SLC10A7: variants seen among roughly 807,000 people sequenced by gnomAD.
SLC10A7 encodes solute carrier family 10 member 7.
Under a neutral mutation model 43.2 loss-of-function variants are expected in SLC10A7, and 29 were observed. The observed-to-expected ratio is 0.67, with a 90% CI of 0.50 to 0.92. SLC10A7 has a LOEUF of 0.92. SLC10A7 is among the 40% of genes least tolerant of loss of function. The pLI, the probability that SLC10A7 is intolerant of heterozygous loss-of-function variation, is 0.00. For synonymous variants in SLC10A7, 152 were observed against 144.8 expected (o/e 1.05, Z -0.35); for missense variants, 295 against 403.2 (o/e 0.73, Z 2.30).
At chr4:146,467,095 T>C (rs1733097269) in intron 4 of SLC10A7, among the ~76,000 whole-genome samples, 2 of 152,166 alleles carry the variant, frequency 1.3e-5, no homozygotes, top group Non-Finnish European at 2.9e-5. Flanking sequence ...CGGAATTACT[T>C]GGCATCTTCT....
intron 3 of SLC10A7, 52 bp downstream of exon 3, chr4:146,509,861 C>T (rs373986280): frequency 7.3e-5 from 113 of 1,546,434 alleles, no homozygotes; most frequent in Non-Finnish European, 9.1e-5. Context: ...ACAATAATGT[C>T]TCTAGAGATG....
At chr4:146,333,997 A>G (rs1733712748) in intron 5 of SLC10A7, among the ~76,000 whole-genome samples, 1 of 152,132 alleles carries the variant, frequency 6.6e-6, no homozygotes, top group Non-Finnish European at 1.5e-5. Context: ...AAACTAGACT[A>G]GTAGACTGTT....
intron 5 of SLC10A7, among the ~76,000 whole-genome samples, chr4:146,380,961 G>A (rs1737575099): frequency 2.0e-5 from 3 of 152,128 alleles, no homozygotes; most frequent in Admixed American, 2.0e-4. Context: ...TCTAGGGAGT[G>A]AAGAAATGCC....
chr4:146,296,782 T>G (rs937852378), intron 7 of SLC10A7, among the ~76,000 whole-genome samples: 1 of 152,184 alleles, frequency 6.6e-6, no homozygotes. Flanking sequence ...AGAAAGGCGT[T>G]AAAATGTTTC....
chr4:146,393,196 A>T (rs931190868), intron 5 of SLC10A7, among the ~76,000 whole-genome samples: 3 of 149,038 alleles, frequency 2.0e-5, no homozygotes, highest in African/African-American at 7.4e-5. Flanking sequence ...TGTCTCAAAA[A>T]AAAAAAAAAA....
chr4:146,454,937 T>C (rs1319706026), intron 4 of SLC10A7, among the ~76,000 whole-genome samples: 1 of 151,900 alleles, frequency 6.6e-6, no homozygotes, highest in Non-Finnish European at 1.5e-5. Context: ...AGATTTTTAT[T>C]GTAAATCTCT....
chr4:146,455,255 T>C (rs536842592), intron 4 of SLC10A7, among the ~76,000 whole-genome samples: 1 of 151,886 alleles, frequency 6.6e-6, no homozygotes, highest in South Asian at 2.1e-4. Context: ...AGCACAGAAA[T>C]TAACTTTAAA....
chr4:146,316,727 G>A (rs543077504), intron 6 of SLC10A7, among the ~76,000 whole-genome samples: 2 of 152,100 alleles, frequency 1.3e-5, no homozygotes, highest in African/African-American at 4.8e-5. Flanking sequence ...TTACACACAA[G>A]ATTATAAAAT....
At chr4:146,429,572 T>C (rs1729621359) in intron 5 of SLC10A7, among the ~76,000 whole-genome samples, 1 of 151,548 alleles carries the variant, frequency 6.6e-6, no homozygotes, top group Middle Eastern at 3.4e-3. Flanking sequence ...TTGGAAGACA[T>C]TATTTTATAG....
intron 5 of SLC10A7, among the ~76,000 whole-genome samples, chr4:146,345,247 G>A (rs375998591): frequency 5.9e-5 from 9 of 152,084 alleles, no homozygotes; most frequent in African/African-American, 1.7e-4. Flanking sequence ...GCAAATGCTC[G>A]TTTCTAAATT....
chr4:146,476,114 TA>T (rs1560945861), intron 4 of SLC10A7, among the ~76,000 whole-genome samples: 3 of 151,906 alleles, frequency 2.0e-5, no homozygotes, highest in African/African-American at 7.3e-5. Context: ...GAAAACTAAA[TA>T]AAACATGAGA....
At chr4:146,457,863 T>C (rs4835310) in intron 4 of SLC10A7, among the ~76,000 whole-genome samples, 122,875 of 151,784 alleles carry the variant, frequency 0.81, 50,298 homozygotes, top group South Asian at 0.91. Context: ...AAAATGCAAT[T>C]TCTAGGACCA....
chr4:146,521,899 T>G lies in SLC10A7; in HGVS notation c.-182A>C. 2 of 579,376 alleles carry G rather than the reference T, an allele frequency of 3.5e-6. No homozygotes were observed. The highest frequency in any genetic ancestry group is 6.1e-6 in the Non-Finnish European group (2 of 326,230). 35.9% of individuals were successfully genotyped at this position (579,376 alleles called of 1,614,324 possible). On this transcript the variant is annotated 5_prime_UTR_variant, in exon 1 of 12. Coordinates refer to ENST00000335472, the MANE Select transcript of SLC10A7 (RefSeq NM_001029998.6). ...GTTGCTCCGGCGGCTTTGAGGAGGG[T>G]TGGGAGTAGTAGTAGCCAGTGACAG...
intron 7 of SLC10A7, among the ~76,000 whole-genome samples, chr4:146,304,344 A>G (rs995490950): frequency 6.6e-5 from 10 of 151,876 alleles, no homozygotes; most frequent in Non-Finnish European, 1.0e-4. Flanking sequence ...GACCTTATCA[A>G]AAGTTGCAGA....
chr4:146,504,293 G>A (rs1269189680), intron 3 of SLC10A7, among the ~76,000 whole-genome samples: 1 of 152,132 alleles, frequency 6.6e-6, no homozygotes, highest in Non-Finnish European at 1.5e-5. Context: ...GCCGAGATGG[G>A]CAGATCACGA....
At chr4:146,316,874 T>C (rs958941084) in intron 6 of SLC10A7, among the ~76,000 whole-genome samples, 2 of 152,142 alleles carry the variant, frequency 1.3e-5, no homozygotes, top group African/African-American at 4.8e-5. Flanking sequence ...CCAGGGATTC[T>C]ATTTTTCTCT....
At chr4:146,306,548 A>G (rs1731586852) in intron 6 of SLC10A7, among the ~76,000 whole-genome samples, 1 of 152,154 alleles carries the variant, frequency 6.6e-6, no homozygotes, top group Non-Finnish European at 1.5e-5. Flanking sequence ...TCAACTTAAA[A>G]TTTCAATATA....
At chr4:146,399,047 G>A (rs997671136) in intron 5 of SLC10A7, among the ~76,000 whole-genome samples, 31 of 152,200 alleles carry the variant, frequency 2.0e-4, no homozygotes, top group African/African-American at 7.5e-4. Flanking sequence ...ACAGGGTAAT[G>A]TGATAGAAAG....
At chr4:146,424,243 G>T (rs1297941466) in intron 5 of SLC10A7, among the ~76,000 whole-genome samples, 1 of 152,042 alleles carries the variant, frequency 6.6e-6, no homozygotes, top group Non-Finnish European at 1.5e-5. Flanking sequence ...GTAGAGACAG[G>T]GTCTTGCTGT....
Sources: gnomAD v4.1 joint callset for allele counts (sites outside exome capture counted in the v4.1 genomes callset) on GRCh38, gnomAD v4.1.1 for gene constraint, MANE v1.5 for transcripts, NCBI Gene and HGNC (gene_info 2026-07-23, HGNC 2026-07-21) for gene names.